RBFOX1: variants seen among roughly 807,000 people sequenced by gnomAD.
RBFOX1 encodes RNA binding fox-1 homolog 1.
A neutral mutation model predicts 57.7 loss-of-function variants in RBFOX1; 8 were observed. The observed-to-expected ratio is 0.14, with a 90% CI of 0.08 to 0.25. The LOEUF (loss-of-function observed/expected upper bound fraction) is 0.25. Among genes scored for constraint, RBFOX1 ranks in the 10% least tolerant of loss-of-function variants. The pLI is 1.00. For missense variants in RBFOX1, 611 were observed against 548.5 expected (o/e 1.11, Z -1.14); for synonymous variants, 326 against 222.4 (o/e 1.47, Z -4.15).
intron 2 of RBFOX1, among the ~76,000 whole-genome samples, chr16:6,649,193 A>G (rs2098556899): frequency 6.6e-6 from 1 of 152,070 alleles, no homozygotes; most frequent in South Asian, 2.1e-4. Flanking sequence ...TTCATGCAGT[A>G]TTTGTCTTTC....
At chr16:5,974,709 A>G (rs1310498149) in intron 4 of RBFOX1, among the ~76,000 whole-genome samples, 3 of 151,806 alleles carry the variant, frequency 2.0e-5, no homozygotes, top group Non-Finnish European at 1.5e-5. Flanking sequence ...GAACTTTACT[A>G]TTTAAAAGTA....
chr16:6,285,176 G>A (rs1265944756), intron 1 of RBFOX1, among the ~76,000 whole-genome samples: 1 of 152,070 alleles, frequency 6.6e-6, no homozygotes, highest in Non-Finnish European at 1.5e-5. Context: ...CCCTGGATAG[G>A]GGAGAAAAGG....
In RBFOX1 at chr16:7,487,274, C is replaced by T. The variant is rs186469054; in HGVS notation, c.28-30873C>T. On this transcript the variant is annotated intron_variant, in intron 4 of 15. Transcript: ENST00000550418. ...TCCAAGACATCCACATGGTATACTC[C>T]TTCCTCAACTACTTTATCTCAAATA... Among the ~76,000 whole-genome samples the T allele has an allele frequency of 1.5e-3, 226 of 152,292 alleles. 1 individual carries two copies. The highest frequency in any genetic ancestry group is 5.1e-3 in the African/African-American group (212 of 41,570).
At chr16:5,539,482 G>A (rs1226983384) in intron 2 of RBFOX1, among the ~76,000 whole-genome samples, 1 of 151,680 alleles carries the variant, frequency 6.6e-6, no homozygotes, top group Non-Finnish European at 1.5e-5. Flanking sequence ...AAAAACACTT[G>A]TAATCCCAGC....
At chr16:5,440,944 C>G (rs895248619) in intron 1 of RBFOX1, among the ~76,000 whole-genome samples, 2 of 152,174 alleles carry the variant, frequency 1.3e-5, no homozygotes, top group African/African-American at 4.8e-5. Context: ...TCCAGACTCA[C>G]TTTGTCATAC....
chr16:6,253,882 C>T lies in RBFOX1; in HGVS notation c.-126-63113C>T, dbSNP rs113889178. Reference sequence around the variant, plus strand: ...TTGGTATTCCTCTTTGGAGCAGCCCCGTCACAACAGCAATTGGAATAAAAC... The same window carrying T: ...TTGGTATTCCTCTTTGGAGCAGCCCTGTCACAACAGCAATTGGAATAAAAC... On this transcript the variant is annotated intron_variant, in intron 1 of 15. Transcript: ENST00000550418. Among the ~76,000 whole-genome samples, 211 of 152,100 alleles carry T rather than the reference C, an allele frequency of 1.4e-3. 1 individual carries two copies. Among genetic ancestry groups the T allele is most frequent in the African/African-American group, 4.4e-3 (183 of 41,522 alleles).
chr16:6,741,539 C>T (rs183258691), intron 3 of RBFOX1, among the ~76,000 whole-genome samples: 47 of 151,762 alleles, frequency 3.1e-4, no homozygotes, highest in South Asian at 1.7e-3. Context: ...TTTGGTGGTG[C>T]GCACCTGTAA....
rs528585643 is a variant in RBFOX1 at position 6,558,580 on chromosome 16, G to T, written c.-63-96023G>T. ...AAGTTTCCCTACAAATTGACACATG[G>T]GGCTTTTGGCTTTTGTCCTGGGGAT... is the stretch of plus-strand genomic sequence containing the variant. On this transcript the variant is annotated intron_variant, in intron 2 of 15. Coordinates refer to ENST00000550418, the MANE Select transcript of RBFOX1 (RefSeq NM_018723.4). 4.6e-5 allele frequency among the ~76,000 whole-genome samples: 7 copies of T among 152,130 alleles called. No homozygotes were observed. The South Asian group carries it at 1.5e-3, about 32-fold the overall frequency.
At chr16:6,753,830 G>A (rs1014243694) in intron 3 of RBFOX1, among the ~76,000 whole-genome samples, 12 of 151,984 alleles carry the variant, frequency 7.9e-5, no homozygotes, top group African/African-American at 2.9e-4. Flanking sequence ...GAGTTTCCTG[G>A]GCTTGAGGGA....
intron 3 of RBFOX1, among the ~76,000 whole-genome samples, chr16:6,988,910 T>G (rs1284766270): frequency 6.6e-6 from 1 of 152,104 alleles, no homozygotes; most frequent in Non-Finnish European, 1.5e-5. Context: ...TAGCTGGGAT[T>G]ACAGGCGCCC....
intron 2 of RBFOX1, among the ~76,000 whole-genome samples, chr16:6,644,409 T>A (rs191088109): frequency 8.1e-4 from 123 of 152,342 alleles, no homozygotes; most frequent in African/African-American, 2.6e-3. Flanking sequence ...ATTTATTTGC[T>A]GTTTAAGAAG....
intron 2 of RBFOX1, among the ~76,000 whole-genome samples, chr16:6,402,407 A>G (rs1393654599): frequency 1.3e-5 from 2 of 152,226 alleles, no homozygotes; most frequent in Non-Finnish European, 2.9e-5. Context: ...AAATGAACAA[A>G]CACATTTGCT....
intron 4 of RBFOX1, among the ~76,000 whole-genome samples, chr16:7,152,998 AGT>A (rs2076385307): frequency 6.6e-6 from 1 of 152,156 alleles, no homozygotes; most frequent in African/African-American, 2.4e-5. Context: ...TATGAAAGAG[AGT>A]GTGTTCATTT....
chr16:6,879,991 G>A (rs1401542568), intron 3 of RBFOX1, among the ~76,000 whole-genome samples: 1 of 152,014 alleles, frequency 6.6e-6, no homozygotes, highest in African/African-American at 2.4e-5. Flanking sequence ...TTAATCTTCT[G>A]AAATAGTCTT....
chr16:7,191,389 A>G (rs1445287531), intron 4 of RBFOX1, among the ~76,000 whole-genome samples: 2 of 152,110 alleles, frequency 1.3e-5, no homozygotes, highest in Non-Finnish European at 2.9e-5. Context: ...ATGCTTTACA[A>G]TACACTGTGA....
chr16:5,291,561 C>G (rs1247750643), intron 1 of RBFOX1, among the ~76,000 whole-genome samples: 1 of 152,124 alleles, frequency 6.6e-6, no homozygotes, highest in Non-Finnish European at 1.5e-5. Context: ...ACGCGCCTGG[C>G]CGAGCTTTTA....
At chr16:6,622,122 T>A (rs575820774) in intron 2 of RBFOX1, among the ~76,000 whole-genome samples, 2 of 152,218 alleles carry the variant, frequency 1.3e-5, no homozygotes, top group Non-Finnish European at 2.9e-5. Context: ...ATTATTGGCA[T>A]ATTGTAGGCA....
intron 2 of RBFOX1, among the ~76,000 whole-genome samples, chr16:6,542,641 C>T (rs1160962302): frequency 6.6e-6 from 1 of 151,838 alleles, no homozygotes; most frequent in Non-Finnish European, 1.5e-5. Context: ...AGGCGCCCGC[C>T]ACCATGCCTG....
At chr16:7,081,240 G>T (rs758063080) in intron 4 of RBFOX1, among the ~76,000 whole-genome samples, 42 of 152,218 alleles carry the variant, frequency 2.8e-4, no homozygotes, top group South Asian at 2.1e-4. Context: ...TCGCCATGTT[G>T]GCTGGGCTGG....
Sources: gnomAD v4.1 joint callset for allele counts (sites outside exome capture counted in the v4.1 genomes callset) on GRCh38, gnomAD v4.1.1 for gene constraint, MANE v1.5 for transcripts, NCBI Gene and HGNC (gene_info 2026-07-23, HGNC 2026-07-21) for gene names.